ANXA6: variants seen among roughly 807,000 people sequenced by gnomAD.
The protein encoded by ANXA6 is 67 kDa calelectrin.
A neutral mutation model predicts 95.4 loss-of-function variants in ANXA6; 71 were observed. The observed-to-expected ratio is 0.74, with a 90% CI of 0.61 to 0.91. The LOEUF (loss-of-function observed/expected upper bound fraction) is 0.91, where lower values mean the gene tolerates loss of function less well. Ranked by LOEUF, ANXA6 falls within the 40% of genes least tolerant of loss-of-function variation. ANXA6 has a pLI of 0.00. For synonymous variants in ANXA6, 289 were observed against 315.9 expected, an observed-to-expected ratio of 0.91 and a Z score of 0.90; for missense variants, 830 against 876.4, an observed-to-expected ratio of 0.95 and a Z score of 0.67.
intron 17 of ANXA6, among the ~76,000 whole-genome samples, chr5:151,120,868 G>A (rs1239700399): frequency 6.6e-6 from 1 of 152,220 alleles, no homozygotes; most frequent in African/African-American, 2.4e-5. Context: ...AAGCAGGTGT[G>A]TGGTGAGGCA....
Position 151,134,491 on chromosome 5 carries a change from G to A in ANXA6, c.490-8C>T, listed in dbSNP as rs775710174. The A allele has an allele frequency of 1.2e-6, 2 of 1,613,998 alleles. No individual in the cohort carries two copies. The highest frequency in any genetic ancestry group is 2.2e-5 in the South Asian group (2 of 91,082). The stretch of plus-strand genomic sequence containing the variant: ...ATCCTCCTCCCTGGTTCCCTGGGCA[G>A]AAAGACAAAGAACATGTGTTTCAAA... On this transcript the variant is annotated splice_region_variant and splice_polypyrimidine_tract_variant and intron_variant, in intron 7 of 25. Transcript: ENST00000354546.
chr5:151,133,225 A>C (rs1008482100), intron 8 of ANXA6, 38 bp from the exon 9 acceptor site: 1 of 1,467,240 alleles, frequency 6.8e-7, no homozygotes, highest in East Asian at 2.5e-5. Flanking sequence ...GAAAGAGGAA[A>C]CCTCAGGAGA....
intron 20 of ANXA6, among the ~76,000 whole-genome samples, chr5:151,116,423 A>G (rs573113557): frequency 1.3e-5 from 2 of 152,318 alleles, no homozygotes; most frequent in South Asian, 2.1e-4. Flanking sequence ...TGGCCTCAGT[A>G]GGGACTGCCC....
chr5:151,137,535 G>A (rs531895485), intron 5 of ANXA6, among the ~76,000 whole-genome samples: 2 of 152,274 alleles, frequency 1.3e-5, no homozygotes, highest in South Asian at 2.1e-4. Context: ...ATGTCGAATC[G>A]TAGACCTGAA....
chr5:151,109,767 G>C lies in ANXA6; in HGVS notation c.1670C>G (p.Pro557Arg). ...TCAGGCCTCACCTCTCCGGAGGTGCGGATAGCTCCGGGTACACAGGATCGT... is the reference window on the plus strand; with the variant it reads ...TCAGGCCTCACCTCTCCGGAGGTGCCGATAGCTCCGGGTACACAGGATCGT... Reference protein sequence around the residue: ...FMTILCTRSYPHLRRVFQEFI... With the variant: ...FMTILCTRSYRHLRRVFQEFI... Residue 557 changes from proline (P) to arginine (R), a missense_variant, in exon 22 of 26, where the codon CCG (proline) becomes CGG (arginine). Physicochemically the swap from Pro to Arg is moderately radical, Grantham distance 103. Coordinates refer to ENST00000354546, the MANE Select transcript of ANXA6 (RefSeq NM_001155.5). The C allele has an allele frequency of 6.2e-7, 1 of 1,610,040 alleles. No homozygotes were observed.
Position 151,133,431 on chromosome 5 carries a change from C to T in ANXA6, c.547-244G>A. On this transcript the variant is annotated intron_variant, in intron 8 of 25. Coordinates refer to ENST00000354546, the MANE Select transcript of ANXA6 (RefSeq NM_001155.5). Reference sequence around the variant, plus strand: ...ACTCGCACACACCTAGATGGCATAGCCTACTACACACCCAGACTCCGTGGT... The same window carrying T: ...ACTCGCACACACCTAGATGGCATAGTCTACTACACACCCAGACTCCGTGGT... 2.3e-5 allele frequency: 10 copies of T among 436,202 alleles called. No homozygotes were observed. The South Asian group carries it at 3.3e-4, about 14-fold the overall frequency. 27.0% of individuals were successfully genotyped at this position (436,202 alleles called of 1,614,324 possible).
intron 2 of ANXA6, among the ~76,000 whole-genome samples, chr5:151,145,895 A>C: frequency 6.6e-6 from 1 of 151,988 alleles, no homozygotes; most frequent in East Asian, 1.9e-4. Flanking sequence ...GACCACTCTG[A>C]GCCCCCTTGT....
chr5:151,126,728 T>C (rs1332331530), intron 13 of ANXA6, among the ~76,000 whole-genome samples: 1 of 149,456 alleles, frequency 6.7e-6, no homozygotes, highest in East Asian at 2.0e-4. Context: ...TTTTTTATTT[T>C]TATTTGAGAC....
At position 151,132,586 on chromosome 5, in the gene ANXA6, G is replaced by A. The variant is rs372866256; in HGVS notation, c.641-15C>T. On this transcript the variant is annotated splice_polypyrimidine_tract_variant and intron_variant, in intron 9 of 25. Coordinates refer to ENST00000354546, the MANE Select transcript of ANXA6 (RefSeq NM_001155.5). ...CTCATCGAACACTGCGTCAGACAGA[G>A]AGACAGGGAGGTTTGAGAGTGCCTC... 6 of 1,607,854 alleles carry A rather than the reference G, an allele frequency of 3.7e-6. No individual in the cohort carries two copies. The highest frequency in any genetic ancestry group is 1.3e-5 in the African/African-American group (1 of 74,764).
At chr5:151,126,650 C>T (rs1765328651) in intron 13 of ANXA6, among the ~76,000 whole-genome samples, 170 bp from the exon 14 acceptor site, 1 of 152,118 alleles carries the variant, frequency 6.6e-6, no homozygotes, top group Non-Finnish European at 1.5e-5. Flanking sequence ...CCTCCATTCG[C>T]CAGAGTCCTC....
intron 21 of ANXA6, 77 bp downstream of exon 21, chr5:151,110,550 T>C: frequency 6.6e-7 from 1 of 1,520,920 alleles, no homozygotes; most frequent in South Asian, 1.1e-5. Flanking sequence ...CACTGCTCGA[T>C]ACTGCCCCGC....
intron 21 of ANXA6, 55 bp from the exon 22 acceptor site, chr5:151,109,901 G>T: frequency 1.5e-6 from 2 of 1,335,312 alleles, no homozygotes; most frequent in Non-Finnish European, 1.0e-6. Flanking sequence ...AGAAAGCCTT[G>T]GTTATTATTC....
intron 22 of ANXA6, among the ~76,000 whole-genome samples, 168 bp from the exon 23 acceptor site, chr5:151,108,718 T>C (rs535531251): frequency 1.2e-4 from 18 of 152,308 alleles, no homozygotes; most frequent in African/African-American, 4.1e-4. Context: ...ATCATCCCGA[T>C]AGAGAAGCTC....
At chr5:151,146,922 G>T (rs907295770) in intron 2 of ANXA6, among the ~76,000 whole-genome samples, 3 of 152,182 alleles carry the variant, frequency 2.0e-5, no homozygotes, top group African/African-American at 7.2e-5. Flanking sequence ...AAGCAGCTGG[G>T]ACTACAAGTA....
chr5:151,127,207 G>T (rs1194327697), intron 13 of ANXA6, among the ~76,000 whole-genome samples: 2 of 152,250 alleles, frequency 1.3e-5, no homozygotes, highest in Non-Finnish European at 2.9e-5. Flanking sequence ...GTGCCTGGAT[G>T]CATCAGGAGC....
At chr5:151,129,995 C>T (rs918609668) in intron 11 of ANXA6, among the ~76,000 whole-genome samples, 2 of 152,190 alleles carry the variant, frequency 1.3e-5, no homozygotes, top group African/African-American at 4.8e-5. Flanking sequence ...AGCCACCATG[C>T]CCGGCCCTCT....
At chr5:151,152,622 G>A (rs960040571) in intron 1 of ANXA6, among the ~76,000 whole-genome samples, 3 of 152,182 alleles carry the variant, frequency 2.0e-5, no homozygotes, top group African/African-American at 7.2e-5. Flanking sequence ...TCCAAAAAGG[G>A]GTAATGGGTA....
At chr5:151,102,535 C>T (rs981103882) in intron 25 of ANXA6, among the ~76,000 whole-genome samples, 4 of 152,176 alleles carry the variant, frequency 2.6e-5, no homozygotes, top group African/African-American at 9.7e-5. Context: ...GAAACCCTGT[C>T]TGTACTAAAA....
intron 1 of ANXA6, among the ~76,000 whole-genome samples, chr5:151,156,510 C>T (rs1228740660): frequency 6.6e-6 from 1 of 152,110 alleles, no homozygotes; most frequent in Non-Finnish European, 1.5e-5. Context: ...CCATCTGGGT[C>T]AGTGGAAGCA....
Sources: gnomAD v4.1 joint callset for allele counts (sites outside exome capture counted in the v4.1 genomes callset) on GRCh38, gnomAD v4.1.1 for gene constraint, MANE v1.5 for transcripts, NCBI Gene and HGNC (gene_info 2026-07-23, HGNC 2026-07-21) for gene names.